PDCD11: variants seen among roughly 807,000 people sequenced by gnomAD.
PDCD11 encodes the protein programmed cell death 11.
In PDCD11, 97 loss-of-function variants were observed where a neutral mutation model predicts 198.9. The ratio of observed to expected loss-of-function variants is 0.49; its 90% CI spans 0.41 to 0.58. The LOEUF (loss-of-function observed/expected upper bound fraction) is 0.58. Among genes scored for constraint, PDCD11 ranks in the 20% least tolerant of loss-of-function variants. The pLI, the probability that PDCD11 is intolerant of heterozygous loss-of-function variation, is 0.00. For synonymous variants in PDCD11, 893 were observed against 918.0 expected (o/e 0.97, Z 0.49); for missense variants, 2,102 against 2,312.7 (o/e 0.91, Z 1.87).
intron 12 of PDCD11, among the ~76,000 whole-genome samples, chr10:103,415,845 G>A (rs986982397): frequency 1.1e-4 from 17 of 152,192 alleles, no homozygotes; most frequent in Admixed American, 6.5e-5. Flanking sequence ...GCTCGAATCC[G>A]AAGGAAAGCT....
intron 7 of PDCD11, among the ~76,000 whole-genome samples, chr10:103,407,737 G>C (rs1445740860): frequency 6.8e-6 from 1 of 147,170 alleles, no homozygotes; most frequent in African/African-American, 2.5e-5. Context: ...TTTTTTTTTT[G>C]AGACGGAGGC....
intron 20 of PDCD11, among the ~76,000 whole-genome samples, chr10:103,426,073 A>T (rs2031682442): frequency 6.6e-6 from 1 of 152,232 alleles, no homozygotes. Context: ...GTAGCTACTT[A>T]AGTCCAAATT....
chr10:103,416,774 C>T (rs748196051), intron 13 of PDCD11, 32 bp downstream of exon 13: 1 of 1,602,474 alleles, frequency 6.2e-7, no homozygotes, highest in Non-Finnish European at 8.5e-7. Context: ...TCCCCTTTAC[C>T]CTTGGTGACC....
intron 3 of PDCD11, 39 bp from the exon 4 acceptor site, chr10:103,403,079 C>T (rs1216519635): frequency 6.3e-7 from 1 of 1,588,810 alleles, no homozygotes; most frequent in Non-Finnish European, 8.6e-7. Context: ...TATTGTTGTT[C>T]CCATCCTTAT....
chr10:103,405,148 A>G lies in PDCD11; in HGVS notation c.529A>G (p.Arg177Gly), dbSNP rs375830038. The G allele has an allele frequency of 3.1e-6, 5 of 1,613,828 alleles. No homozygotes were observed. Among genetic ancestry groups the G allele is most frequent in the African/African-American group, 2.7e-5 (2 of 74,910 alleles). Residue 177 changes from arginine (R) to glycine (G), a missense_variant, in exon 5 of 36, where the codon AGA (arginine) becomes GGA (glycine). Physicochemically the swap from Arg to Gly is moderately radical, Grantham distance 125. Transcript: ENST00000369797. ...KLSLNPKNVN[R>G]VLSAEALKPG... is the part of the protein sequence containing the mutation. ...GTCTCTGAACCCCAAAAATGTCAAC[A>G]GAGTGCTGAGTGCTGAGGCCCTGAA...
Position 103,405,114 on chromosome 10 carries a change from T to C in PDCD11, c.495T>C (p.Ser165=). 1 of 1,613,990 alleles carries C rather than the reference T, an allele frequency of 6.2e-7. No homozygotes were observed. Among genetic ancestry groups the C allele is most frequent in the South Asian group, 1.1e-5 (1 of 91,062 alleles). Residue 165 remains serine (S), a synonymous_variant, in exon 5 of 36, where the codon AGT becomes AGC. Transcript: ENST00000369797. The part of the protein sequence containing the change: ...SLGITDRGKK[S]VKLSLNPKNV... ...GCATCACAGACAGGGGCAAGAAGAGTGTCAAGCTGTCTCTGAACCCCAAAA... is the reference window on the plus strand; with the variant it reads ...GCATCACAGACAGGGGCAAGAAGAGCGTCAAGCTGTCTCTGAACCCCAAAA...
rs778498863 is a variant in PDCD11 at position 103,442,333 on chromosome 10, C to T, written c.4828C>T (p.Arg1610Ter). ...RQPESADDFD[R>*]LVLSSPNSSI... ...GCCAGAGTCCGCGGATGATTTTGAC[C>T]GACTGGTGCTGAGCTCCCCCAACAG... Residue 1610 changes from arginine (R) to a stop codon, truncating the protein, a stop_gained, in exon 32 of 36, where the codon CGA becomes TGA. Transcript: ENST00000369797. LOFTEE classifies it high-confidence loss of function. The T allele has an allele frequency of 3.1e-6, 5 of 1,614,192 alleles. No individual in the cohort carries two copies. Among genetic ancestry groups the T allele is most frequent in the Non-Finnish European group, 3.4e-6 (4 of 1,180,028 alleles).
Position 103,434,251 on chromosome 10 carries a change from C to T in PDCD11, c.3568C>T (p.Leu1190=). 1 of 1,609,546 alleles carries T rather than the reference C, an allele frequency of 6.2e-7. No individual in the cohort carries two copies. The highest frequency in any genetic ancestry group is 8.5e-7 in the Non-Finnish European group (1 of 1,175,758). The change falls in exon 24 of 36, where the codon CTG becomes TTG. Residue 1190 remains leucine, a synonymous_variant. Coordinates refer to ENST00000369797, the MANE Select transcript of PDCD11 (RefSeq NM_014976.2). The stretch of plus-strand genomic sequence containing the variant: ...AGGAGTTTTTTTATCCTTCCAGGTT[C>T]TGAAGCATCCAGATAAGAAGTTCCG... ...LLLTSLSFKV[L]KHPDKKFRVG... is the part of the protein sequence containing the mutation.
Position 103,400,466 on chromosome 10 carries a change from A to C in PDCD11, c.172A>C (p.Lys58Gln). The C allele has an allele frequency of 6.2e-7, 1 of 1,614,098 alleles. No individual in the cohort carries two copies. ...QKGPAKTKKL[K>Q]IEKRESSKSA... is the part of the protein sequence containing the mutation. Reference sequence around the variant, plus strand: ...GGGGCCAGCAAAAACAAAAAAGTTGAAAATCGAAAAGAGAGAAAGCAGCAA... The same window carrying C: ...GGGGCCAGCAAAAACAAAAAAGTTGCAAATCGAAAAGAGAGAAAGCAGCAA... Residue 58 changes from lysine (K) to glutamine (Q), a missense_variant, in exon 3 of 36, where the codon AAA (lysine) becomes CAA (glutamine). Transcript: ENST00000369797.
chr10:103,413,335 CTTTG>C lies in PDCD11; in HGVS notation c.1185+18_1185+21del. 5 of 1,607,724 alleles carry C rather than the reference CTTTG, an allele frequency of 3.1e-6. No homozygotes were observed. The highest frequency in any genetic ancestry group is 1.1e-5 in the South Asian group (1 of 90,890). On this transcript the variant is annotated intron_variant, in intron 9 of 35. Coordinates refer to ENST00000369797, the MANE Select transcript of PDCD11 (RefSeq NM_014976.2). Reference sequence around the variant, plus strand: ...GGCCTATGCCCGGGTAAGGAGGCCTCTTTGTTTGGTCAGGGATCTTATCACTGGA... The same window carrying C: ...GGCCTATGCCCGGGTAAGGAGGCCTCTTTGGTCAGGGATCTTATCACTGGA...
rs1490404085 is a variant in PDCD11, at chr10:103,406,934, A to G, written c.870+144A>G. ...GAGCATTTCAAATGTGGCCAGTGCC[A>G]CATGTTGAAATGATAATATTTTGGA... On this transcript the variant is annotated intron_variant, in intron 7 of 35. Transcript: ENST00000369797. 48 of 593,464 alleles carry G rather than the reference A, an allele frequency of 8.1e-5. 1 individual carries two copies. The Admixed American group carries it at 1.6e-3, about 20-fold the overall frequency. 36.8% of individuals were successfully genotyped at this position (593,464 alleles called of 1,614,324 possible).
chr10:103,417,901 A>G lies in PDCD11; in HGVS notation c.1880A>G (p.Gln627Arg), dbSNP rs201390813. ...EPKKEPAGHS[Q>R]KKGKAINIGQ... Reference sequence around the variant, plus strand: ...AAGAAAGAGCCTGCAGGACACAGTCAGAAGAAAGGAAAAGCCATTAACATT... The same window carrying G: ...AAGAAAGAGCCTGCAGGACACAGTCGGAAGAAAGGAAAAGCCATTAACATT... Residue 627 changes from glutamine to arginine, a missense_variant, in exon 14 of 36, where the codon CAG (glutamine) becomes CGG (arginine). By Grantham distance (43) the Gln-to-Arg change is conservative (BLOSUM62 1). Coordinates refer to ENST00000369797, the MANE Select transcript of PDCD11 (RefSeq NM_014976.2). 2.0e-4 allele frequency: 317 copies of G among 1,614,080 alleles called. No individual in the cohort carries two copies. Among genetic ancestry groups the G allele is most frequent in the Admixed American group, 4.2e-4 (25 of 59,982 alleles).
chr10:103,434,112 A>T, intron 23 of PDCD11, 75 bp downstream of exon 23: 1 of 1,318,558 alleles, frequency 7.6e-7, no homozygotes, highest in Non-Finnish European at 1.1e-6. Flanking sequence ...GTGTGGGTTT[A>T]CAGTGGATTT....
At position 103,425,169 on chromosome 10, in the gene PDCD11, A is replaced by C. The variant is rs955967686; in HGVS notation, c.2949A>C (p.Thr983=). ...GQGVSLTLKT[T]EPGVTGLLLA... is the part of the protein sequence containing the mutation. ...GTGTCTCCCTAACCCTCAAGACCAC[A>C]GAACCAGGAGTGACTGGCCTTCTTT... is the stretch of plus-strand genomic sequence containing the variant. The change falls in exon 20 of 36, where the codon ACA becomes ACC. Residue 983 remains threonine, a synonymous_variant. Transcript: ENST00000369797. The C allele has an allele frequency of 1.7e-5, 27 of 1,614,058 alleles. No individual in the cohort carries two copies. Among genetic ancestry groups the C allele is most frequent in the Non-Finnish European group, 2.2e-5 (26 of 1,180,040 alleles).
chr10:103,429,743 A>G (rs747238959), intron 21 of PDCD11, among the ~76,000 whole-genome samples: 6 of 152,276 alleles, frequency 3.9e-5, no homozygotes, highest in Non-Finnish European at 8.8e-5. Flanking sequence ...GCAAATCTCT[A>G]GAAGTTTTTT....
At chr10:103,438,538 A>G (rs1221811780) in intron 26 of PDCD11, 148 bp from the exon 27 acceptor site, 1 of 1,039,328 alleles carries the variant, frequency 9.6e-7, no homozygotes, top group East Asian at 2.6e-5. Context: ...ATGTTAGGAG[A>G]GAGTAGAGTT....
intron 21 of PDCD11, among the ~76,000 whole-genome samples, chr10:103,431,329 A>G (rs997143497): frequency 1.3e-5 from 2 of 152,128 alleles, no homozygotes; most frequent in African/African-American, 4.8e-5. Context: ...CGTGGCTGAC[A>G]TCCATAATCT....
chr10:103,397,993 T>A (rs758979760), intron 1 of PDCD11, among the ~76,000 whole-genome samples: 1 of 152,256 alleles, frequency 6.6e-6, no homozygotes, highest in Non-Finnish European at 1.5e-5. Flanking sequence ...CTTCCTACAT[T>A]GCCTTATCCC....
At chr10:103,438,852 G>A (rs1255014523) in intron 27 of PDCD11, 44 bp downstream of exon 27, 5 of 1,610,018 alleles carry the variant, frequency 3.1e-6, no homozygotes, top group Admixed American at 1.7e-5. Context: ...TGCCTTCCCT[G>A]AGCCTGTGTT....
Sources: gnomAD v4.1 joint callset for allele counts (sites outside exome capture counted in the v4.1 genomes callset) on GRCh38, gnomAD v4.1.1 for gene constraint, MANE v1.5 for transcripts, NCBI Gene and HGNC (gene_info 2026-07-23, HGNC 2026-07-21) for gene names.